NSD2: variants seen among roughly 807,000 people sequenced by gnomAD.
The protein encoded by NSD2 is histone-lysine N-methyltransferase NSD2.
A neutral mutation model predicts 139.0 loss-of-function variants in NSD2; 12 were observed. The observed-to-expected ratio is 0.09, with a 90% CI of 0.06 to 0.14. The LOEUF (loss-of-function observed/expected upper bound fraction) is 0.14. Among genes scored for constraint, NSD2 ranks in the 10% least tolerant of loss-of-function variants. The pLI is 1.00. For missense variants in NSD2, 1,155 were observed against 1,745.0 expected, an observed-to-expected ratio of 0.66 and a Z score of 6.02; for synonymous variants, 669 against 648.7, an observed-to-expected ratio of 1.03 and a Z score of -0.48.
chr4:1,926,121 A>G (rs1249986262), intron 5 of NSD2, among the ~76,000 whole-genome samples: 1 of 143,136 alleles, frequency 7.0e-6, no homozygotes, highest in Non-Finnish European at 1.5e-5. Context: ...TATGAGCAGC[A>G]TTTTCACTAG....
intron 1 of NSD2, among the ~76,000 whole-genome samples, chr4:1,877,029 C>T (rs1431878182): frequency 6.6e-6 from 1 of 151,438 alleles, no homozygotes; most frequent in Non-Finnish European, 1.5e-5. Context: ...CCCAGCTACT[C>T]GGGAGGCTGA....
chr4:1,887,903 CTTTTTTTCTTT>C (rs1715235053), intron 1 of NSD2, among the ~76,000 whole-genome samples: 1 of 151,304 alleles, frequency 6.6e-6, no homozygotes, highest in African/African-American at 2.4e-5. Flanking sequence ...CTGTCAGTTC[CTTTTTTTCTTT>C]TTTTTTTCTT....
intron 5 of NSD2, among the ~76,000 whole-genome samples, chr4:1,930,194 A>G (rs1466487159): frequency 1.3e-5 from 2 of 152,210 alleles, no homozygotes; most frequent in East Asian, 3.9e-4. Flanking sequence ...CAGGGCCTGT[A>G]CCTGAAAGAC....
intron 8 of NSD2, 200 bp from the exon 9 acceptor site, chr4:1,939,454 C>T (rs575022373): frequency 3.6e-5 from 22 of 616,060 alleles, no homozygotes; most frequent in East Asian, 1.4e-4. Flanking sequence ...GGCCAAGTAG[C>T]GAGGACATGG....
intron 1 of NSD2, among the ~76,000 whole-genome samples, chr4:1,890,849 A>C (rs1280405687): frequency 1.3e-5 from 2 of 150,530 alleles, no homozygotes. Flanking sequence ...CACCTGCCTC[A>C]GCCTCCCAAA....
At chr4:1,975,180 C>A in intron 19 of NSD2, 114 bp from the exon 20 acceptor site, 1 of 1,398,362 alleles carries the variant, frequency 7.2e-7, no homozygotes, top group Non-Finnish European at 1.0e-6. Context: ...ATGGGTCAAG[C>A]CAGTACAGAT....
At chr4:1,880,324 G>GA (rs1373525981) in intron 1 of NSD2, among the ~76,000 whole-genome samples, 2 of 152,190 alleles carry the variant, frequency 1.3e-5, no homozygotes, top group East Asian at 1.9e-4. Context: ...TGCAGGGCCT[G>GA]ACCTCTGATT....
In NSD2 at chr4:1,955,360, C is replaced by A; in HGVS notation, c.2518+20C>A. ...CCAAAGGTGAGGGGCCTGGGGGTGT[C>A]TGCGGCACACGCCTCTCACACTCCC... On this transcript the variant is annotated intron_variant, in intron 13 of 21. Coordinates refer to ENST00000508803, the MANE Select transcript of NSD2 (RefSeq NM_001042424.3). The surrounding 1 kb of genome is among the most constrained non-coding windows in gnomAD (Gnocchi z 4.7). 6.3e-7 allele frequency: 1 copy of A among 1,595,404 alleles called. No homozygotes were observed. The highest frequency in any genetic ancestry group is 8.6e-7 in the Non-Finnish European group (1 of 1,167,786).
intron 5 of NSD2, among the ~76,000 whole-genome samples, chr4:1,925,103 T>G (rs1720691593): frequency 6.6e-6 from 1 of 152,242 alleles, no homozygotes. Flanking sequence ...GCTCTTTAAC[T>G]GTTCTGTAAT....
intron 5 of NSD2, among the ~76,000 whole-genome samples, chr4:1,920,032 T>C (rs1430643074): frequency 6.6e-6 from 1 of 152,140 alleles, no homozygotes; most frequent in African/African-American, 2.4e-5. Context: ...TAAGGAGCCA[T>C]GAGTAGTTCA....
Position 1,955,552 on chromosome 4 carries a change from T to A in NSD2, c.2519-141T>A, listed in dbSNP as rs1724726947. ...TATTTGTGGTGAAAATGACATTTGC[T>A]CTCGTGCTGATGTACAGATCGCTGT... On this transcript the variant is annotated intron_variant, in intron 13 of 21. Transcript: ENST00000508803. The surrounding 1 kb of genome is among the most constrained non-coding windows in gnomAD (Gnocchi z 4.7). 2 of 1,249,662 alleles carry A rather than the reference T, an allele frequency of 1.6e-6. No homozygotes were observed. The allele number at this position is 1,249,662 out of a possible 1,614,324, so 77.4% of individuals were successfully genotyped here. A position where few individuals can be genotyped will look rare whatever the true frequency, so the allele number is the denominator to read the frequency against.
In NSD2 at chr4:1,930,729, A is replaced by G; in HGVS notation, c.1514A>G (p.Lys505Arg). 6.2e-7 allele frequency: 1 copy of G among 1,613,880 alleles called. No individual in the cohort carries two copies. Among genetic ancestry groups the G allele is most frequent in the East Asian group, 2.2e-5 (1 of 44,838 alleles). ...SEKQRARYNTKFALVAPVQAE... is the reference protein window; with the variant it reads ...SEKQRARYNTRFALVAPVQAE... Reference sequence around the variant, plus strand: ...AAGCAGAGAGCACGCTACAACACCAAGTTTGCCCTGGTGGCCCCTGTCCAG... The same window carrying G: ...AAGCAGAGAGCACGCTACAACACCAGGTTTGCCCTGGTGGCCCCTGTCCAG... Residue 505 changes from lysine (K) to arginine (R), a missense_variant, in exon 6 of 22, where the codon AAG becomes AGG. Lys to Arg is a conservative substitution (Grantham distance 26). Around this residue, in one of 8 missense-constraint regions of NSD2, gnomAD observed 420 missense variants for 469.0 expected, o/e 0.90. Coordinates refer to ENST00000508803, the MANE Select transcript of NSD2 (RefSeq NM_001042424.3).
chr4:1,878,074 C>T (rs1714393315), intron 1 of NSD2, among the ~76,000 whole-genome samples: 1 of 150,436 alleles, frequency 6.6e-6, no homozygotes, highest in South Asian at 2.1e-4. Context: ...TACACACACA[C>T]TTCTGAGACG....
In NSD2 at chr4:1,917,226, A is replaced by AT. The variant is rs938103922; in HGVS notation, c.927+198dup. Among the ~76,000 whole-genome samples the AT allele has an allele frequency of 4.9e-4, 73 of 148,776 alleles. 3 individuals carry two copies. The East Asian group carries it at 0.013, about 26-fold the overall frequency. On this transcript the variant is annotated intron_variant, in intron 4 of 21. Coordinates refer to ENST00000508803, the MANE Select transcript of NSD2 (RefSeq NM_001042424.3). ...TAAAGTTCTTTTAGAGACACAACTG[A>AT]TTTTTTTTTGCTCATTTGATGACTC... is the stretch of plus-strand genomic sequence containing the variant.
At chr4:1,889,757 T>G (rs1184023111) in intron 1 of NSD2, among the ~76,000 whole-genome samples, 1 of 152,170 alleles carries the variant, frequency 6.6e-6, no homozygotes, top group Non-Finnish European at 1.5e-5. Flanking sequence ...TACACCCGCC[T>G]TGACCTCCCA....
In NSD2 at chr4:1,930,641, C is replaced by T. The variant is rs372548092; in HGVS notation, c.1426C>T (p.Pro476Ser). The change falls in exon 6 of 22, where the codon CCA (proline) becomes TCA (serine). Residue 476 changes from proline (P) to serine (S), a missense_variant. Around this residue, in one of 8 missense-constraint regions of NSD2, gnomAD observed 420 missense variants for 469.0 expected, o/e 0.90. Coordinates refer to ENST00000508803, the MANE Select transcript of NSD2 (RefSeq NM_001042424.3). ...GTTCCCACAGGTGGTAGCTGAGCACCCAGATGCTTCAGGTGAGGAGATTGA... is the reference window on the plus strand; with the variant it reads ...GTTCCCACAGGTGGTAGCTGAGCACTCAGATGCTTCAGGTGAGGAGATTGA... ...KHRDEVVAEH[P>S]DASGEEIEEL... The T allele has an allele frequency of 5.0e-5, 81 of 1,610,678 alleles. No homozygotes were observed. The highest frequency in any genetic ancestry group is 6.6e-5 in the Non-Finnish European group (78 of 1,178,262).
chr4:1,969,341 C>T (rs959115258), intron 18 of NSD2, among the ~76,000 whole-genome samples: 3 of 152,270 alleles, frequency 2.0e-5, no homozygotes, highest in Admixed American at 6.5e-5. Flanking sequence ...TGAGACAAAC[C>T]TGGGACCCAG....
intron 3 of NSD2, among the ~76,000 whole-genome samples, chr4:1,911,076 G>A (rs1055355192): frequency 6.6e-6 from 1 of 152,080 alleles, no homozygotes; most frequent in African/African-American, 2.4e-5. Flanking sequence ...AACTTAACAG[G>A]CTCCACAAAA....
rs1726213811 is a variant in NSD2, at chr4:1,969,447, C to T, written c.3373-5416C>T. Among the ~76,000 whole-genome samples the T allele has an allele frequency of 2.0e-5, 3 of 152,254 alleles. No individual in the cohort carries two copies. The South Asian group carries it at 6.2e-4, about 32-fold the overall frequency. On this transcript the variant is annotated intron_variant, in intron 18 of 21. Transcript: ENST00000508803. Reference sequence around the variant, plus strand: ...AGGTGCAATGGCGTGTGCCTATAATCCCAGCACTTTGGGAGGCCGAGGCAG... The same window carrying T: ...AGGTGCAATGGCGTGTGCCTATAATTCCAGCACTTTGGGAGGCCGAGGCAG...
Sources: allele counts gnomAD v4.1 joint callset (sites outside exome capture counted in the v4.1 genomes callset), GRCh38; gene constraint gnomAD v4.1.1; regional missense constraint gnomAD v4.1.1; non-coding constraint Gnocchi (gnomAD v3.1); transcripts MANE v1.5; gene names NCBI Gene and HGNC (gene_info 2026-07-23, HGNC 2026-07-21).